MLLT10: variants seen among roughly 807,000 people sequenced by gnomAD.
MLLT10 encodes the protein MLLT10 histone lysine methyltransferase DOT1L cofactor, also known as protein AF-10.
In MLLT10, 30 loss-of-function variants were observed where a neutral mutation model predicts 129.1. The observed-to-expected ratio is 0.23, with a 90% CI of 0.17 to 0.32. The LOEUF (loss-of-function observed/expected upper bound fraction) is 0.32. Ranked by LOEUF, MLLT10 falls within the 10% of genes least tolerant of loss-of-function variation. MLLT10 has a pLI of 1.00. For missense variants in MLLT10, 1,119 were observed against 1,268.3 expected (o/e 0.88, Z 1.79); for synonymous variants, 490 against 446.4 (o/e 1.10, Z -1.23).
At chr10:21,604,570 C>T (rs577025002) in intron 5 of MLLT10, among the ~76,000 whole-genome samples, 9 of 152,126 alleles carry the variant, frequency 5.9e-5, no homozygotes, top group African/African-American at 2.2e-4. Context: ...GCCTGGGTGG[C>T]AAGAGTGAGA....
intron 13 of MLLT10, among the ~76,000 whole-genome samples, chr10:21,690,727 A>G (rs546201529): frequency 1.3e-5 from 2 of 152,116 alleles, no homozygotes; most frequent in Admixed American, 6.5e-5. Context: ...TAACTATTAC[A>G]TAAATCACCA....
chr10:21,629,766 A>G (rs1220229657), intron 8 of MLLT10, among the ~76,000 whole-genome samples: 1 of 152,164 alleles, frequency 6.6e-6, no homozygotes, highest in Non-Finnish European at 1.5e-5. Flanking sequence ...TTGGTAGATA[A>G]AGTGGGTGTG....
intron 8 of MLLT10, among the ~76,000 whole-genome samples, chr10:21,641,661 T>C (rs2048015760): frequency 6.6e-6 from 1 of 151,824 alleles, no homozygotes; most frequent in African/African-American, 2.4e-5. Flanking sequence ...AAAACTTTTT[T>C]CCCCCCTTAC....
At position 21,683,906 on chromosome 10, in the gene MLLT10, T is replaced by C. The variant is rs568320830; in HGVS notation, c.1699+1649T>C. Among the ~76,000 whole-genome samples the C allele has an allele frequency of 3.3e-5, 5 of 152,244 alleles. No homozygotes were observed. In the East Asian group the frequency reaches 9.6e-4, roughly 29 times the overall value. ...CGTGAGCCACGATGCCCAGCCATAC[T>C]CTTTTTACTTACCTAAGATGGATGG... On this transcript the variant is annotated intron_variant, in intron 13 of 22. Coordinates refer to ENST00000307729, the MANE Select transcript of MLLT10 (RefSeq NM_001195626.3).
chr10:21,538,241 T>G (rs957803079), intron 2 of MLLT10, among the ~76,000 whole-genome samples: 3 of 151,716 alleles, frequency 2.0e-5, no homozygotes, highest in Non-Finnish European at 4.4e-5. Flanking sequence ...CTTACCTCAC[T>G]GCAACCTCTG....
At position 21,538,899 on chromosome 10, in the gene MLLT10, G is replaced by C; in HGVS notation, c.227G>C (p.Arg76Thr). The C allele has an allele frequency of 6.2e-7, 1 of 1,612,484 alleles. No homozygotes were observed. Among genetic ancestry groups the C allele is most frequent in the Non-Finnish European group, 8.5e-7 (1 of 1,178,612 alleles). Reference sequence around the variant, plus strand: ...TGCAGGAAATGTGAATCTCAGGAGAGAGCAGCCAGAGTGGTAAGGACTATT... The same window carrying C: ...TGCAGGAAATGTGAATCTCAGGAGACAGCAGCCAGAGTGGTAAGGACTATT... ...WFCRKCESQERAARVRCELCP... is the reference protein window; with the variant it reads ...WFCRKCESQETAARVRCELCP... Residue 76 changes from arginine (R) to threonine (T), a missense_variant, in exon 3 of 23, where the codon AGA becomes ACA. Around this residue, in one of 5 missense-constraint regions of MLLT10, gnomAD observed 33 missense variants for 76.9 expected, o/e 0.43. Transcript: ENST00000307729.
chr10:21,559,489 A>G (rs1283817287), intron 3 of MLLT10, among the ~76,000 whole-genome samples: 4 of 152,250 alleles, frequency 2.6e-5, no homozygotes, highest in African/African-American at 9.6e-5. Flanking sequence ...TACAAAATAT[A>G]CCATTTTAAC....
intron 11 of MLLT10, among the ~76,000 whole-genome samples, chr10:21,676,178 C>G (rs1298673488): frequency 1.3e-5 from 2 of 151,618 alleles, no homozygotes; most frequent in Non-Finnish European, 2.9e-5. Flanking sequence ...GCTTGTAATC[C>G]CAGCACTTTG....
chr10:21,685,726 T>G (rs1380745008), intron 13 of MLLT10, among the ~76,000 whole-genome samples: 1 of 152,190 alleles, frequency 6.6e-6, no homozygotes, highest in Non-Finnish European at 1.5e-5. Context: ...CTCTATTACT[T>G]TAGCAAAGAA....
At chr10:21,673,985 C>T (rs560703960) in intron 11 of MLLT10, 66 bp downstream of exon 11, 670 of 1,255,230 alleles carry the variant, frequency 5.3e-4, no homozygotes, top group Non-Finnish European at 6.8e-4. Flanking sequence ...TGTCCCAAAA[C>T]GTTTTCAACT....
At chr10:21,557,290 A>T in intron 3 of MLLT10, 1 of 592,046 alleles carries the variant, frequency 1.7e-6, no homozygotes, top group Non-Finnish European at 2.2e-6. Context: ...TAACACTTTC[A>T]TCATGGACAC....
intron 13 of MLLT10, among the ~76,000 whole-genome samples, chr10:21,706,410 TA>T (rs1206705933): frequency 3.3e-5 from 5 of 152,322 alleles, no homozygotes; most frequent in South Asian, 4.1e-4. Flanking sequence ...ACCCTCACTT[TA>T]TAGATGAGGT....
rs756681633 is a variant in MLLT10, at chr10:21,586,289, T to TA, written c.241-4dup. 2 of 1,547,878 alleles carry TA rather than the reference T, an allele frequency of 1.3e-6. No homozygotes were observed. Among genetic ancestry groups the TA allele is most frequent in the East Asian group, 4.6e-5 (2 of 43,178 alleles). ...CATTACCTGTTTCTTTTTTTTTTTTTATAGAGATGTGAACTTTGTCCCCAT... is the reference window on the plus strand; with the variant it reads ...CATTACCTGTTTCTTTTTTTTTTTTTAATAGAGATGTGAACTTTGTCCCCAT... On this transcript the variant is annotated splice_region_variant and splice_polypyrimidine_tract_variant and intron_variant, in intron 3 of 22. Transcript: ENST00000307729.
intron 3 of MLLT10, among the ~76,000 whole-genome samples, chr10:21,583,987 A>G (rs2041729788): frequency 6.6e-6 from 1 of 151,074 alleles, no homozygotes; most frequent in Admixed American, 6.6e-5. Flanking sequence ...CTTCTGCTTC[A>G]GCCTCCCAAG....
chr10:21,555,389 A>G (rs2037769523), intron 3 of MLLT10, among the ~76,000 whole-genome samples: 1 of 150,874 alleles, frequency 6.6e-6, no homozygotes, highest in Non-Finnish European at 1.5e-5. Flanking sequence ...CGCCTGGCTA[A>G]TTTTTGTATT....
chr10:21,631,787 C>T (rs1201861641), intron 8 of MLLT10, among the ~76,000 whole-genome samples: 1 of 152,102 alleles, frequency 6.6e-6, no homozygotes, highest in Non-Finnish European at 1.5e-5. Context: ...ACCCCACCAT[C>T]AGGTTCCCCC....
chr10:21,740,967 AAAGG>A (rs974069758), intron 22 of MLLT10, among the ~76,000 whole-genome samples: 1 of 152,224 alleles, frequency 6.6e-6, no homozygotes, highest in African/African-American at 2.4e-5. Flanking sequence ...GACATCAGGA[AAAGG>A]AAGAAGGGAG....
At chr10:21,575,231 A>C (rs1207721664) in intron 3 of MLLT10, among the ~76,000 whole-genome samples, 5 of 151,866 alleles carry the variant, frequency 3.3e-5, no homozygotes, top group Non-Finnish European at 5.9e-5. Flanking sequence ...TTGTGCTGCC[A>C]CCCAGGCTAG....
intron 4 of MLLT10, among the ~76,000 whole-genome samples, chr10:21,591,276 C>G (rs973135461): frequency 2.0e-5 from 3 of 152,158 alleles, no homozygotes; most frequent in Non-Finnish European, 4.4e-5. Flanking sequence ...CCAGGCTGGT[C>G]TCAAACTGCT....
Sources: allele counts gnomAD v4.1 joint callset (sites outside exome capture counted in the v4.1 genomes callset), GRCh38; gene constraint gnomAD v4.1.1; regional missense constraint gnomAD v4.1.1; transcripts MANE v1.5; gene names NCBI Gene and HGNC (gene_info 2026-07-23, HGNC 2026-07-21).